Variants in ATRNL1 observed in about 807,000 individuals in gnomAD.
ATRNL1 encodes the protein attractin-like protein 1.
Under a neutral mutation model 182.7 loss-of-function variants are expected in ATRNL1, and 95 were observed. The ratio of observed to expected loss-of-function variants is 0.52; its 90% CI spans 0.44 to 0.62. The LOEUF is 0.62. Ranked by LOEUF, ATRNL1 falls within the 20% of genes least tolerant of loss-of-function variation. ATRNL1 has a pLI of 0.00. For synonymous variants in ATRNL1, 576 were observed against 568.3 expected (o/e 1.01, Z -0.19); for missense variants, 1,471 against 1,679.5 (o/e 0.88, Z 2.17).
intron 1 of ATRNL1, among the ~76,000 whole-genome samples, chr10:115,109,446 GAGAA>G (rs1312678509): frequency 3.3e-5 from 5 of 152,294 alleles, no homozygotes; most frequent in South Asian, 2.1e-4. Flanking sequence ...AGGGTGAAGA[GAGAA>G]AGAGAGGAGG....
At chr10:115,834,560 A>G (rs1458298428) in intron 27 of ATRNL1, among the ~76,000 whole-genome samples, 3 of 151,992 alleles carry the variant, frequency 2.0e-5, no homozygotes, top group African/African-American at 7.3e-5. Flanking sequence ...TCCCTTTACC[A>G]TTTTGCTCTG....
rs990052310 is a variant in ATRNL1 at position 115,578,623 on chromosome 10, T to G, written c.3795+29087T>G. Among the ~76,000 whole-genome samples, 4 of 151,584 alleles carry G rather than the reference T, an allele frequency of 2.6e-5. No individual in the cohort carries two copies. The East Asian group carries it at 7.7e-4, about 29-fold the overall frequency. On this transcript the variant is annotated intron_variant, in intron 26 of 28. Coordinates refer to ENST00000355044, the MANE Select transcript of ATRNL1 (RefSeq NM_207303.4). Reference sequence around the variant, plus strand: ...TCTTTCATATCTAATTTTAATGTCATCTTCTCTCTTTCTTCTTCTAGCTAA... The same window carrying G: ...TCTTTCATATCTAATTTTAATGTCAGCTTCTCTCTTTCTTCTTCTAGCTAA...
intron 27 of ATRNL1, among the ~76,000 whole-genome samples, chr10:115,772,938 G>T (rs988478687): frequency 6.6e-6 from 1 of 152,154 alleles, no homozygotes; most frequent in South Asian, 2.1e-4. Context: ...CTTGGAAATT[G>T]TGACTACTGA....
chr10:115,359,260 T>G (rs968307801), intron 19 of ATRNL1, among the ~76,000 whole-genome samples: 4 of 151,686 alleles, frequency 2.6e-5, no homozygotes, highest in African/African-American at 9.7e-5. Flanking sequence ...TTTACATTCT[T>G]GTATGCTCAC....
At chr10:115,506,709 G>C (rs1850130024) in intron 24 of ATRNL1, among the ~76,000 whole-genome samples, 1 of 151,980 alleles carries the variant, frequency 6.6e-6, no homozygotes, top group Admixed American at 6.6e-5. Flanking sequence ...ACCAAATTTT[G>C]GGAGATCAGG....
chr10:115,901,427 G>T (rs1462302757), intron 28 of ATRNL1, among the ~76,000 whole-genome samples: 20 of 151,924 alleles, frequency 1.3e-4, no homozygotes, highest in African/African-American at 4.4e-4. Context: ...TATTCTTAAG[G>T]GCCTATTTAA....
intron 15 of ATRNL1, among the ~76,000 whole-genome samples, chr10:115,295,630 A>AC (rs1444726966): frequency 6.6e-6 from 1 of 152,120 alleles, no homozygotes; most frequent in East Asian, 1.9e-4. Context: ...TATTAGCTGC[A>AC]CAGAGTCTCA....
intron 5 of ATRNL1, among the ~76,000 whole-genome samples, chr10:115,152,150 T>A (rs1484868729): frequency 2.0e-5 from 3 of 152,244 alleles, no homozygotes; most frequent in African/African-American, 7.2e-5. Flanking sequence ...GGTAGCATGA[T>A]GCCTCCAGCT....
chr10:115,866,703 A>C (rs1442485679), intron 28 of ATRNL1, among the ~76,000 whole-genome samples: 3 of 152,214 alleles, frequency 2.0e-5, no homozygotes, highest in Non-Finnish European at 4.4e-5. Flanking sequence ...AATGGCACCA[A>C]CATGAAATAT....
chr10:115,442,350 ACAAT>A (rs1188795548), intron 21 of ATRNL1, among the ~76,000 whole-genome samples: 2 of 149,094 alleles, frequency 1.3e-5, no homozygotes, highest in Middle Eastern at 3.3e-3. Context: ...TTCACTGTAA[ACAAT>A]CAGGAACTTT....
intron 19 of ATRNL1, among the ~76,000 whole-genome samples, chr10:115,387,721 G>A (rs1274096471): frequency 4.6e-5 from 7 of 151,894 alleles, no homozygotes; most frequent in Non-Finnish European, 1.0e-4. Context: ...TTTTTTCACT[G>A]CATATTTTTT....
chr10:115,253,476 A>G (rs1242004843), intron 10 of ATRNL1, among the ~76,000 whole-genome samples: 4 of 152,054 alleles, frequency 2.6e-5, no homozygotes, highest in Non-Finnish European at 5.9e-5. Context: ...TTTTTTTTGA[A>G]TTATGATCTG....
intron 1 of ATRNL1, among the ~76,000 whole-genome samples, chr10:115,103,441 AT>A (rs1175942693): frequency 1.3e-5 from 2 of 152,204 alleles, no homozygotes; most frequent in Non-Finnish European, 2.9e-5. Context: ...CTTTAAAAAA[AT>A]AATCAGGGAA....
chr10:115,743,497 A>T (rs782396170), intron 27 of ATRNL1, among the ~76,000 whole-genome samples: 1 of 152,110 alleles, frequency 6.6e-6, no homozygotes, highest in Non-Finnish European at 1.5e-5. Context: ...AATGAGAAAC[A>T]TTATCTTAAG....
At chr10:115,738,125 GATTTTTTTTTTTTTT>G (rs1948017167) in intron 27 of ATRNL1, among the ~76,000 whole-genome samples, 1 of 53,150 alleles carries the variant, frequency 1.9e-5, no homozygotes, top group Non-Finnish European at 3.8e-5. Flanking sequence ...AGAAGATAAT[GATTTTTTTTTTTTTT>G]TTTTTTTTTT....
chr10:115,643,261 TG>T (rs1241149464), intron 26 of ATRNL1, among the ~76,000 whole-genome samples: 1 of 152,154 alleles, frequency 6.6e-6, no homozygotes, highest in African/African-American at 2.4e-5. Flanking sequence ...CTGGAACAAT[TG>T]GGTATAAATA....
chr10:115,495,107 G>T (rs1248943259), intron 24 of ATRNL1, among the ~76,000 whole-genome samples: 1 of 151,900 alleles, frequency 6.6e-6, no homozygotes, highest in Non-Finnish European at 1.5e-5. Context: ...AGGTTTTCTA[G>T]TTTGTGTATA....
At chr10:115,741,124 T>G (rs1948128166) in intron 27 of ATRNL1, among the ~76,000 whole-genome samples, 1 of 152,160 alleles carries the variant, frequency 6.6e-6, no homozygotes, top group Non-Finnish European at 1.5e-5. Flanking sequence ...TATGTTATCT[T>G]TACCTTTCAG....
intron 26 of ATRNL1, among the ~76,000 whole-genome samples, chr10:115,612,115 T>C (rs1857191640): frequency 6.6e-6 from 1 of 151,898 alleles, no homozygotes; most frequent in African/African-American, 2.4e-5. Context: ...AACCGGGTGT[T>C]GTGGCGGACG....
Sources: gnomAD v4.1 joint callset for allele counts (sites outside exome capture counted in the v4.1 genomes callset) on GRCh38, gnomAD v4.1.1 for gene constraint, MANE v1.5 for transcripts, NCBI Gene and HGNC (gene_info 2026-07-23, HGNC 2026-07-21) for gene names.